The following EHBP1 variants were observed in gnomAD, a reference collection of about 807,000 sequenced individuals.
The protein encoded by EHBP1 is EH domain binding protein 1.
A neutral mutation model predicts 144.0 loss-of-function variants in EHBP1; 55 were observed. That is an observed-to-expected ratio of 0.38 (90% confidence interval 0.31 to 0.48). The LOEUF is 0.48. Among genes scored for constraint, EHBP1 ranks in the 20% least tolerant of loss-of-function variants. The pLI, the probability that EHBP1 is intolerant of heterozygous loss-of-function variation, is 0.98. For synonymous variants in EHBP1, 469 were observed against 472.7 expected, an observed-to-expected ratio of 0.99 and a Z score of 0.10; for missense variants, 1,200 against 1,364.2, an observed-to-expected ratio of 0.88 and a Z score of 1.90.
intron 10 of EHBP1, among the ~76,000 whole-genome samples, chr2:62,887,206 C>T (rs1357595961): frequency 6.6e-6 from 1 of 152,098 alleles, no homozygotes; most frequent in Non-Finnish European, 1.5e-5. Context: ...CAAAAATAGC[C>T]ACGCCAACCT....
At chr2:62,950,027 G>A (rs1024004762) in intron 13 of EHBP1, among the ~76,000 whole-genome samples, 2 of 152,058 alleles carry the variant, frequency 1.3e-5, no homozygotes, top group Non-Finnish European at 2.9e-5. Flanking sequence ...TATATAAGGA[G>A]GAAATTTTAG....
At chr2:62,723,100 G>A (rs923835539) in intron 2 of EHBP1, among the ~76,000 whole-genome samples, 18 of 152,146 alleles carry the variant, frequency 1.2e-4, no homozygotes, top group Non-Finnish European at 1.5e-4. Flanking sequence ...TACTGTCAGT[G>A]AGGTGTTGAA....
At chr2:62,897,318 C>A (rs1209919366) in intron 10 of EHBP1, among the ~76,000 whole-genome samples, 1 of 152,146 alleles carries the variant, frequency 6.6e-6, no homozygotes, top group African/African-American at 2.4e-5. Context: ...CATCTCTATT[C>A]CAGTATGTGG....
chr2:62,923,230 A>G (rs2055225329), intron 10 of EHBP1, among the ~76,000 whole-genome samples: 1 of 152,182 alleles, frequency 6.6e-6, no homozygotes, highest in African/African-American at 2.4e-5. Context: ...TGGCTATGAC[A>G]TTGGTCCTGC....
rs969055396 is a variant in EHBP1, at chr2:62,835,241, C to T, written c.634+4083C>T. 6.6e-5 allele frequency among the ~76,000 whole-genome samples: 10 copies of T among 152,220 alleles called. No homozygotes were observed. The South Asian group carries it at 1.5e-3, about 22-fold the overall frequency. ...TAAGCTTTGCCCTTCAACTGATATACTTAAATGTATTTATATTACTTTATT... is the reference window on the plus strand; with the variant it reads ...TAAGCTTTGCCCTTCAACTGATATATTTAAATGTATTTATATTACTTTATT... On this transcript the variant is annotated intron_variant, in intron 7 of 22. Transcript: ENST00000431489.
At chr2:62,685,837 A>C (rs995079638) in intron 1 of EHBP1, among the ~76,000 whole-genome samples, 1 of 152,182 alleles carries the variant, frequency 6.6e-6, no homozygotes, top group African/African-American at 2.4e-5. Flanking sequence ...CATCACTGAG[A>C]TCATCATCCT....
intron 11 of EHBP1, among the ~76,000 whole-genome samples, chr2:62,943,167 A>G (rs2056864516): frequency 6.6e-6 from 1 of 152,150 alleles, no homozygotes; most frequent in Non-Finnish European, 1.5e-5. Context: ...ACCTGAGGTC[A>G]GGAGTTTGAG....
chr2:62,675,703 T>C (rs923869305), intron 1 of EHBP1, among the ~76,000 whole-genome samples: 1 of 152,068 alleles, frequency 6.6e-6, no homozygotes, highest in Non-Finnish European at 1.5e-5. Context: ...CATGGAGAGG[T>C]ATCTTCCTGT....
At chr2:63,025,214 G>A (rs539247962) in intron 19 of EHBP1, among the ~76,000 whole-genome samples, 11 of 152,262 alleles carry the variant, frequency 7.2e-5, no homozygotes, top group South Asian at 6.2e-4. Context: ...ATTTGATGGC[G>A]ACAAGTATGG....
intron 10 of EHBP1, among the ~76,000 whole-genome samples, chr2:62,892,159 T>C (rs1021930024): frequency 1.7e-4 from 26 of 152,204 alleles, no homozygotes; most frequent in Admixed American, 1.6e-3. Flanking sequence ...TAGAGATTAA[T>C]AGTGTGACGT....
chr2:62,748,652 T>A (rs1056090804), intron 3 of EHBP1, among the ~76,000 whole-genome samples: 1 of 152,118 alleles, frequency 6.6e-6, no homozygotes, highest in African/African-American at 2.4e-5. Context: ...AGAGTGAGAC[T>A]GTCTCTAAAA....
intron 2 of EHBP1, among the ~76,000 whole-genome samples, chr2:62,730,623 T>TA (rs2037414959): frequency 1.3e-5 from 2 of 151,224 alleles, no homozygotes; most frequent in East Asian, 1.9e-4. Context: ...TTCTTTTTTT[T>TA]TAGAGAGAGA....
At chr2:62,766,294 G>C (rs572677145) in intron 4 of EHBP1, among the ~76,000 whole-genome samples, 40 of 152,278 alleles carry the variant, frequency 2.6e-4, no homozygotes, top group African/African-American at 7.9e-4. Flanking sequence ...AGATCAGAGA[G>C]ACCGAGAGAA....
intron 5 of EHBP1, among the ~76,000 whole-genome samples, chr2:62,821,062 C>T (rs2045948186): frequency 6.6e-6 from 1 of 151,424 alleles, no homozygotes; most frequent in African/African-American, 2.4e-5. Context: ...TTTTTAGTGT[C>T]TTGTAAGAGA....
intron 2 of EHBP1, among the ~76,000 whole-genome samples, chr2:62,728,288 A>G (rs952113251): frequency 3.9e-5 from 6 of 152,364 alleles, no homozygotes; most frequent in South Asian, 4.1e-4. Context: ...ATGCTGGACC[A>G]TGTAGGAACT....
intron 10 of EHBP1, among the ~76,000 whole-genome samples, chr2:62,924,852 G>A (rs2055366923): frequency 6.6e-6 from 1 of 152,136 alleles, no homozygotes; most frequent in African/African-American, 2.4e-5. Context: ...TTCTTTCTAT[G>A]AGGCCAGCAT....
intron 10 of EHBP1, among the ~76,000 whole-genome samples, chr2:62,880,616 AATAC>A (rs2051322724): frequency 6.6e-6 from 1 of 152,224 alleles, no homozygotes; most frequent in Non-Finnish European, 1.5e-5. Flanking sequence ...TTCTCAAAAG[AATAC>A]ATACATGTGG....
chr2:62,837,984 G>C (rs1213700808), intron 7 of EHBP1, among the ~76,000 whole-genome samples: 1 of 147,842 alleles, frequency 6.8e-6, no homozygotes, highest in African/African-American at 2.5e-5. Context: ...TCTGCACCAA[G>C]CGGACCTAAT....
chr2:62,690,072 G>A (rs1387251639), intron 1 of EHBP1, among the ~76,000 whole-genome samples: 1 of 152,166 alleles, frequency 6.6e-6, no homozygotes, highest in Admixed American at 6.5e-5. Context: ...GTTTCAGGCA[G>A]ACCTGCTGAA....
Sources: gnomAD v4.1 joint callset for allele counts (sites outside exome capture counted in the v4.1 genomes callset) on GRCh38, gnomAD v4.1.1 for gene constraint, MANE v1.5 for transcripts, NCBI Gene and HGNC (gene_info 2026-07-23, HGNC 2026-07-21) for gene names.